Variants in TBL1X observed in about 807,000 individuals in gnomAD.
The protein encoded by TBL1X is F-box-like/WD repeat-containing protein TBL1X.
Under a neutral mutation model 50.7 loss-of-function variants are expected in TBL1X, and 10 were observed. The observed-to-expected ratio is 0.20, with a 90% CI of 0.12 to 0.33. The LOEUF (loss-of-function observed/expected upper bound fraction) is 0.33. TBL1X is among the 10% of genes least tolerant of loss of function. The pLI is 1.00. For synonymous variants in TBL1X, 190 were observed against 214.7 expected, an observed-to-expected ratio of 0.88 and a Z score of 1.01; for missense variants, 340 against 504.4, an observed-to-expected ratio of 0.67 and a Z score of 3.12.
rs765036543 is a variant in TBL1X, at chrX:9,608,048, C to T, written c.-130-32225C>T. Among the ~76,000 whole-genome samples the T allele has an allele frequency of 1.0e-3, 114 of 109,785 alleles. 2 individuals are homozygous for T. Among genetic ancestry groups the T allele is most frequent in the Non-Finnish European group, 1.7e-3 (90 of 52,588 alleles). The stretch of plus-strand genomic sequence containing the variant: ...CTGTTCTCAAACTAACTGATCCTCC[C>T]GCCTTGGGCTCCCAAAGTGCTAGGA... On this transcript the variant is annotated intron_variant, in intron 2 of 17. Transcript: ENST00000645353.
At chrX:9,708,160 A>T (rs2083221257) in intron 13 of TBL1X, among the ~76,000 whole-genome samples, 1 of 111,588 alleles carries the variant, frequency 9.0e-6, no homozygotes, top group Non-Finnish European at 1.9e-5. Flanking sequence ...GCTGTTCCCC[A>T]GCTGAACCTT....
chrX:9,464,322 C>A (rs984018746), upstream of TBL1X, among the ~76,000 whole-genome samples: 5 of 111,588 alleles, frequency 4.5e-5, no homozygotes, highest in African/African-American at 9.8e-5. Context: ...CAGGTCCCCC[C>A]AACCTCCTCA....
chrX:9,653,487 TG>T, intron 3 of TBL1X, 57 bp from the exon 4 acceptor site: 1 of 732,345 alleles, frequency 1.4e-6, no homozygotes, highest in Non-Finnish European at 2.0e-6. Context: ...GCGGATTCTG[TG>T]GTGAAACACA....
intron 2 of TBL1X, among the ~76,000 whole-genome samples, chrX:9,571,612 A>G (rs2082386752): frequency 8.9e-6 from 1 of 112,264 alleles, no homozygotes; most frequent in Admixed American, 9.4e-5. Context: ...ACACAGTTTA[A>G]CTGTACAGTT....
chrX:9,525,609 A>G (rs1435560240), intron 2 of TBL1X, among the ~76,000 whole-genome samples: 2 of 112,015 alleles, frequency 1.8e-5, no homozygotes, highest in East Asian at 2.8e-4. Flanking sequence ...TGAATGGAAA[A>G]ATTGCATAGT....
intron 2 of TBL1X, among the ~76,000 whole-genome samples, chrX:9,509,153 C>T: frequency 9.3e-6 from 1 of 107,514 alleles, no homozygotes; most frequent in East Asian, 2.9e-4. Flanking sequence ...TTTGGGAGGC[C>T]AAGGCGGACG....
At position 9,586,908 on chromosome X, in the gene TBL1X, AAATAAATAAAAG is replaced by A. The variant is rs1407607876; in HGVS notation, c.-130-53363_-130-53352del. Among the ~76,000 whole-genome samples, 3 of 112,142 alleles carry A rather than the reference AAATAAATAAAAG, an allele frequency of 2.7e-5. No individual in the cohort carries two copies. In the East Asian group the frequency reaches 8.4e-4, roughly 31 times the overall value. On this transcript the variant is annotated intron_variant, in intron 2 of 17. Coordinates refer to ENST00000645353, the MANE Select transcript of TBL1X (RefSeq NM_005647.4). ...GAGCAAGATTCTATCTCAAAAAAAT[AAATAAATAAAAG>A]ATGGAGAGGAGCGTTACTTTTTTGT...
intron 17 of TBL1X, among the ~76,000 whole-genome samples, chrX:9,715,786 G>A (rs1388944852): frequency 9.1e-6 from 1 of 110,114 alleles, no homozygotes; most frequent in African/African-American, 3.3e-5. Context: ...TGGGGCATCT[G>A]GATTTCTTAT....
intron 2 of TBL1X, among the ~76,000 whole-genome samples, chrX:9,509,728 A>G (rs946026052): frequency 9.1e-6 from 1 of 110,150 alleles, no homozygotes; most frequent in Non-Finnish European, 1.9e-5. Context: ...TCACGCGATC[A>G]GCCCACCTCG....
chrX:9,547,481 A>C (rs1037511103), intron 2 of TBL1X, among the ~76,000 whole-genome samples: 1 of 110,845 alleles, frequency 9.0e-6, no homozygotes, highest in Non-Finnish European at 1.9e-5. Context: ...TACCACGCCC[A>C]GCTAATTTTT....
intron 1 of TBL1X, among the ~76,000 whole-genome samples, chrX:9,470,924 A>G (rs1325064966): frequency 2.7e-5 from 3 of 112,323 alleles, no homozygotes; most frequent in Middle Eastern, 4.6e-3. Flanking sequence ...GTGAGCAACC[A>G]TGCCCGACCT....
chrX:9,573,353 T>G (rs773787194), intron 2 of TBL1X, among the ~76,000 whole-genome samples: 1 of 112,652 alleles, frequency 8.9e-6, no homozygotes, highest in Non-Finnish European at 1.9e-5. Flanking sequence ...AATTTTTCTC[T>G]AAAACACCAA....
chrX:9,684,265 A>G, intron 6 of TBL1X, 77 bp downstream of exon 6: 1 of 1,145,835 alleles, frequency 8.7e-7, no homozygotes, highest in Non-Finnish European at 1.2e-6. Context: ...ATTGGAAGCT[A>G]ACATGCATTT....
rs1413641501 is a variant in TBL1X at position 9,682,168 on chromosome X, A to G, written c.212-1875A>G. ...TTGGCAGAGAATAGAGTCGTTGGTG[A>G]ACCCAAGGGTGGGTTGCTTCATTTT... is the stretch of plus-strand genomic sequence containing the variant. On this transcript the variant is annotated intron_variant, in intron 5 of 17. Coordinates refer to ENST00000645353, the MANE Select transcript of TBL1X (RefSeq NM_005647.4). Among the ~76,000 whole-genome samples, 3 of 112,380 alleles carry G rather than the reference A, an allele frequency of 2.7e-5. No homozygotes were observed. The East Asian group carries it at 8.4e-4, about 32-fold the overall frequency.
In TBL1X at chrX:9,716,283, T is replaced by C. The variant is rs2083278051; in HGVS notation, c.*37T>C. 4.0e-5 allele frequency: 47 copies of C among 1,181,002 alleles called. No individual in the cohort carries two copies. Among genetic ancestry groups the C allele is most frequent in the Non-Finnish European group, 5.4e-5 (47 of 873,828 alleles). On this transcript the variant is annotated 3_prime_UTR_variant, in exon 18 of 18. Coordinates refer to ENST00000645353, the MANE Select transcript of TBL1X (RefSeq NM_005647.4). ...TATCGAAAAAAGAAAAGAATTCTAA[T>C]GACCAGCCGTGAATGTGTAGGGTTG...
chrX:9,541,601 C>T (rs898112402), intron 2 of TBL1X, among the ~76,000 whole-genome samples: 17 of 112,639 alleles, frequency 1.5e-4, no homozygotes, highest in African/African-American at 4.2e-4. Context: ...CCATCACAGC[C>T]GCAGAAGATA....
Position 9,684,097 on chromosome X carries a change from A to G in TBL1X, c.266A>G (p.Asn89Ser). The change falls in exon 6 of 18, where the codon AAC becomes AGC. Residue 89 changes from asparagine to serine, a missense_variant. Transcript: ENST00000645353. The part of the protein sequence containing the change: ...FGIESHISQS[N>S]INGTLVPPAA... ...ATTGAGAGCCACATCAGCCAGTCCA[A>G]CATCAATGGGACGCTAGTGCCACCG... 4 of 1,211,530 alleles carry G rather than the reference A, an allele frequency of 3.3e-6. No homozygotes were observed. The highest frequency in any genetic ancestry group is 4.5e-6 in the Non-Finnish European group (4 of 895,508).
chrX:9,698,764 G>A (rs1402384797), intron 12 of TBL1X, among the ~76,000 whole-genome samples: 1 of 111,910 alleles, frequency 8.9e-6, no homozygotes, highest in Admixed American at 9.5e-5. Context: ...GCTAGCCAAG[G>A]GCCGGCCTTG....
intron 2 of TBL1X, among the ~76,000 whole-genome samples, chrX:9,591,721 C>T (rs1196898674): frequency 9.0e-6 from 1 of 111,499 alleles, no homozygotes; most frequent in Non-Finnish European, 1.9e-5. Flanking sequence ...AGAGGTGACA[C>T]CTGAGCCAAG....
Sources: allele counts gnomAD v4.1 joint callset (sites outside exome capture counted in the v4.1 genomes callset), GRCh38; gene constraint gnomAD v4.1.1; transcripts MANE v1.5; gene names NCBI Gene and HGNC (gene_info 2026-07-23, HGNC 2026-07-21).